Variants in GFRA3 observed in about 807,000 individuals in gnomAD.
GFRA3 encodes the protein GDNF family receptor alpha-3.
A neutral mutation model predicts 40.0 loss-of-function variants in GFRA3; 24 were observed. The ratio of observed to expected loss-of-function variants is 0.60; its 90% CI spans 0.43 to 0.84. The LOEUF (loss-of-function observed/expected upper bound fraction) is 0.84, where lower values mean the gene tolerates loss of function less well. Ranked by LOEUF, GFRA3 falls within the 40% of genes least tolerant of loss-of-function variation. The pLI, the probability that GFRA3 is intolerant of heterozygous loss-of-function variation, is 0.00. For synonymous variants in GFRA3, 203 were observed against 213.5 expected (o/e 0.95, Z 0.43); for missense variants, 405 against 530.6 (o/e 0.76, Z 2.33).
chr5:138,272,994 G>C (rs183598150), intron 1 of GFRA3, among the ~76,000 whole-genome samples: 12 of 152,254 alleles, frequency 7.9e-5, no homozygotes, highest in Admixed American at 3.3e-4. Context: ...CCACAACCCA[G>C]GTATCCATTT....
At chr5:138,274,143 G>A (rs1755914718) in intron 1 of GFRA3, among the ~76,000 whole-genome samples, 191 bp downstream of exon 1, 1 of 152,196 alleles carries the variant, frequency 6.6e-6, no homozygotes, top group African/African-American at 2.4e-5. Flanking sequence ...GTCTATCTCA[G>A]TTCGTACACT....
chr5:138,267,838 G>C (rs914054547), intron 1 of GFRA3: 13 of 152,210 alleles, frequency 8.5e-5, no homozygotes, highest in African/African-American at 3.1e-4. Context: ...TTTTGCCCCA[G>C]TACAGCCAAC....
chr5:138,263,588 C>T (rs762601958), intron 2 of GFRA3, among the ~76,000 whole-genome samples: 2 of 152,166 alleles, frequency 1.3e-5, no homozygotes, highest in Non-Finnish European at 2.9e-5. Context: ...TGTGGTTCTG[C>T]CAATGCTCAT....
chr5:138,270,287 G>A (rs1168656371), intron 1 of GFRA3, among the ~76,000 whole-genome samples: 1 of 151,160 alleles, frequency 6.6e-6, no homozygotes, highest in Non-Finnish European at 1.5e-5. Flanking sequence ...CAGGAGAATG[G>A]CGCGAACCCG....
Position 138,257,947 on chromosome 5 carries a change from T to C in GFRA3, c.477A>G (p.Ser159=). 1 of 1,613,868 alleles carries C rather than the reference T, an allele frequency of 6.2e-7. No homozygotes were observed. Among genetic ancestry groups the C allele is most frequent in the South Asian group, 1.1e-5 (1 of 91,080 alleles). Residue 159 remains serine, a synonymous_variant, in exon 4 of 8, where the codon TCA becomes TCG. Transcript: ENST00000274721. The stretch of plus-strand genomic sequence containing the variant: ...GCATGGCAAACTTGAGGCAGAGGTC[T>C]GAGTCTGGGGGGAAAGGGCACGGAG... ...LSKLNMLKPD[S]DLCLKFAMLC... is the part of the protein sequence containing the mutation.
chr5:138,254,102 C>T lies in GFRA3; in HGVS notation c.844G>A (p.Ala282Thr). ...CHPMDILGTC[A>T]TEQSRCLRAY... ...CGTAGACATCTGGACTGCTCTGTTG[C>T]ACAAGTTCCTAGGATGTCCATGGGA... Residue 282 changes from alanine (A) to threonine (T), a missense_variant, in exon 5 of 8, where the codon GCA (alanine) becomes ACA (threonine). Physicochemically the swap from Ala to Thr is moderately conservative, Grantham distance 58. Coordinates refer to ENST00000274721, the MANE Select transcript of GFRA3 (RefSeq NM_001496.4). 6.2e-7 allele frequency: 1 copy of T among 1,613,214 alleles called. No individual in the cohort carries two copies. The highest frequency in any genetic ancestry group is 8.5e-7 in the Non-Finnish European group (1 of 1,179,256).
In GFRA3 at chr5:138,254,178, T is replaced by G. The variant is rs765246437; in HGVS notation, c.786-18A>C. ...GGCGTGATCTGGAAGAAGGGAAATT[T>G]CTGTCTTTCTTTTTTTTTTTTTTTT... On this transcript the variant is annotated intron_variant, in intron 4 of 7. Coordinates refer to ENST00000274721, the MANE Select transcript of GFRA3 (RefSeq NM_001496.4). The G allele has an allele frequency of 6.9e-7, 1 of 1,442,384 alleles. No individual in the cohort carries two copies. Among genetic ancestry groups the G allele is most frequent in the Non-Finnish European group, 9.7e-7 (1 of 1,029,724 alleles). 89.3% of individuals were successfully genotyped at this position (1,442,384 alleles called of 1,614,324 possible). A position where few individuals can be genotyped will look rare whatever the true frequency, so the allele number is the denominator to read the frequency against.
Position 138,253,827 on chromosome 5 carries a change from A to G in GFRA3, c.963T>C (p.Ser321=). The change falls in exon 6 of 8, where the codon AGT becomes AGC. Residue 321 remains serine (S), a synonymous_variant. Coordinates refer to ENST00000274721, the MANE Select transcript of GFRA3 (RefSeq NM_001496.4). The part of the protein sequence containing the change: ...SVALSCTCRG[S]GNLQEECEML... ...TTTCACACTCCTCCTGCAGGTTGCC[A>G]CTGCCTCGGCAGGTGCAGCTTAAGG... 6.2e-7 allele frequency: 1 copy of G among 1,613,916 alleles called. No homozygotes were observed. The highest frequency in any genetic ancestry group is 8.5e-7 in the Non-Finnish European group (1 of 1,179,808).
rs1470217828 is a variant in GFRA3 at position 138,254,164 on chromosome 5, G to A, written c.786-4C>T. On this transcript the variant is annotated splice_polypyrimidine_tract_variant and splice_region_variant and intron_variant, in intron 4 of 7. Transcript: ENST00000274721. ...CTGGAAATCCACCAGGCGTGATCTG[G>A]AAGAAGGGAAATTTCTGTCTTTCTT... The A allele has an allele frequency of 3.3e-6, 5 of 1,513,902 alleles. No individual in the cohort carries two copies. Among genetic ancestry groups the A allele is most frequent in the African/African-American group, 1.4e-5 (1 of 72,562 alleles). The allele number at this position is 1,513,902 out of a possible 1,614,324, so 93.8% of individuals were successfully genotyped here.
At chr5:138,273,410 T>G (rs1489184305) in intron 1 of GFRA3, among the ~76,000 whole-genome samples, 1 of 152,230 alleles carries the variant, frequency 6.6e-6, no homozygotes, top group East Asian at 1.9e-4. Flanking sequence ...GATCCTGACA[T>G]GCAGCCATAA....
intron 2 of GFRA3, among the ~76,000 whole-genome samples, chr5:138,263,588 C>G (rs762601958): frequency 6.6e-6 from 1 of 152,166 alleles, no homozygotes; most frequent in Non-Finnish European, 1.5e-5. Context: ...TGTGGTTCTG[C>G]CAATGCTCAT....
At chr5:138,259,939 C>G (rs1404648296) in intron 2 of GFRA3, among the ~76,000 whole-genome samples, 4 of 152,220 alleles carry the variant, frequency 2.6e-5, no homozygotes, top group African/African-American at 9.6e-5. Context: ...CACCATCGCA[C>G]TTACGCGATG....
rs142822911 is a variant in GFRA3, at chr5:138,252,867, C to T, written c.*101G>A. 218 of 685,792 alleles carry T rather than the reference C, an allele frequency of 3.2e-4. 1 individual carries two copies. The highest frequency in any genetic ancestry group is 4.5e-4 in the Non-Finnish European group (170 of 376,936). 42.5% of individuals were successfully genotyped at this position (685,792 alleles called of 1,614,324 possible). On this transcript the variant is annotated 3_prime_UTR_variant, in exon 8 of 8. Coordinates refer to ENST00000274721, the MANE Select transcript of GFRA3 (RefSeq NM_001496.4). ...TTAGCTTCTCCTGTGCCCTCATCTG[C>T]GCACTGCACCTCCTTCCTGCTGCTG...
At chr5:138,271,909 T>TGTGTGTG (rs61550132) in intron 1 of GFRA3, among the ~76,000 whole-genome samples, 61 of 99,646 alleles carry the variant, frequency 6.1e-4, no homozygotes, top group East Asian at 3.9e-3. Flanking sequence ...TTTTTTTTTT[T>TGTGTGTG]TTTTTGTGTG....
chr5:138,268,480 C>T (rs562746714), intron 1 of GFRA3, among the ~76,000 whole-genome samples: 208 of 149,332 alleles, frequency 1.4e-3, no homozygotes, highest in Non-Finnish European at 2.6e-3. Context: ...GCAAAAGGAA[C>T]AGTCAGCAGA....
chr5:138,267,842 A>G (rs1041745727), intron 1 of GFRA3: 1 of 152,262 alleles, frequency 6.6e-6, no homozygotes, highest in African/African-American at 2.4e-5. Context: ...GCCCCAGTAC[A>G]GCCAACTGAT....
At position 138,259,613 on chromosome 5, in the gene GFRA3, G is replaced by A; in HGVS notation, c.416C>T (p.Thr139Ile). 1.3e-6 allele frequency: 2 copies of A among 1,557,762 alleles called. No individual in the cohort carries two copies. The highest frequency in any genetic ancestry group is 1.8e-6 in the Non-Finnish European group (2 of 1,128,682). The change falls in exon 3 of 8, where the codon ACA (threonine) becomes ATA (isoleucine). Residue 139 changes from threonine (T) to isoleucine (I), a missense_variant. Transcript: ENST00000274721. ...YELDVSPYED[T>I]VTSKPWKMNL... ...CATTTTCCAGGGTTTGCTGGTCACT[G>A]TGTCTTCATAGGGGGAGACATCCAG... is the stretch of plus-strand genomic sequence containing the variant.
At position 138,254,170 on chromosome 5, in the gene GFRA3, G is replaced by T; in HGVS notation, c.786-10C>A. On this transcript the variant is annotated splice_polypyrimidine_tract_variant and intron_variant, in intron 4 of 7. Coordinates refer to ENST00000274721, the MANE Select transcript of GFRA3 (RefSeq NM_001496.4). ...ATCCACCAGGCGTGATCTGGAAGAA[G>T]GGAAATTTCTGTCTTTCTTTTTTTT... 2 of 1,495,450 alleles carry T rather than the reference G, an allele frequency of 1.3e-6. No individual in the cohort carries two copies. The highest frequency in any genetic ancestry group is 1.9e-6 in the Non-Finnish European group (2 of 1,074,816). The allele number at this position is 1,495,450 out of a possible 1,614,324, so 92.6% of individuals were successfully genotyped here.
intron 4 of GFRA3, 40 bp from the exon 5 acceptor site, chr5:138,254,200 T>C: frequency 7.9e-7 from 1 of 1,260,438 alleles, no homozygotes; most frequent in East Asian, 2.3e-5. Flanking sequence ...TTTTTTTTTT[T>C]TTTGAGATGA....
Sources: allele counts gnomAD v4.1 joint callset (sites outside exome capture counted in the v4.1 genomes callset), GRCh38; gene constraint gnomAD v4.1.1; transcripts MANE v1.5; gene names NCBI Gene and HGNC (gene_info 2026-07-23, HGNC 2026-07-21).